Variants in ARF1 observed in about 807,000 individuals in gnomAD.
ARF1 encodes the protein ARF GTPase 1.
In ARF1, 1 loss-of-function variant was observed where a neutral mutation model predicts 18.0. The ratio of observed to expected loss-of-function variants is 0.06; its 90% CI spans 0.02 to 0.26. The LOEUF (loss-of-function observed/expected upper bound fraction) is 0.26, where lower values mean the gene tolerates loss of function less well. Among genes scored for constraint, ARF1 ranks in the 10% least tolerant of loss-of-function variants. The pLI, the probability that ARF1 is intolerant of heterozygous loss-of-function variation, is 1.00. For synonymous variants in ARF1, 112 were observed against 96.3 expected (o/e 1.16, Z -0.95); for missense variants, 73 against 247.2 (o/e 0.30, Z 4.73).
chr1:228,088,831 G>C (rs923950054), intron 1 of ARF1, among the ~76,000 whole-genome samples: 2 of 152,170 alleles, frequency 1.3e-5, no homozygotes, highest in Admixed American at 6.5e-5. Flanking sequence ...GTTCTCTGCC[G>C]TCTTGTGCGA....
chr1:228,086,591 G>A (rs1371075365), intron 1 of ARF1, among the ~76,000 whole-genome samples: 2 of 152,150 alleles, frequency 1.3e-5, no homozygotes, highest in Non-Finnish European at 2.9e-5. Context: ...GCCTGCCTGG[G>A]TTTTCAGAGA....
At chr1:228,088,657 A>C (rs892989967) in intron 1 of ARF1, among the ~76,000 whole-genome samples, 3 of 152,224 alleles carry the variant, frequency 2.0e-5, no homozygotes, top group East Asian at 1.9e-4. Context: ...AGGAAAAGCT[A>C]CAGTAGTTGC....
Position 228,097,109 on chromosome 1 carries a change from A to G in ARF1, c.-6A>G. On this transcript the variant is annotated 5_prime_UTR_variant, in exon 2 of 5. Coordinates refer to ENST00000272102, the MANE Select transcript of ARF1 (RefSeq NM_001658.4). This position sits in a 1 kb window ranked among gnomAD's most constrained non-coding sequence, Gnocchi z 8.1. ...CTGGCCAGTGTCCTTCCACCTGTCC[A>G]CAAGCATGGGGAACATCTTCGCCAA... 6.3e-7 allele frequency: 1 copy of G among 1,593,850 alleles called. No homozygotes were observed. Among genetic ancestry groups the G allele is most frequent in the Non-Finnish European group, 8.5e-7 (1 of 1,169,662 alleles).
intron 1 of ARF1, among the ~76,000 whole-genome samples, chr1:228,088,855 G>C (rs1350951351): frequency 6.6e-6 from 1 of 152,204 alleles, no homozygotes; most frequent in Non-Finnish European, 1.5e-5. Flanking sequence ...CTGGGATGCT[G>C]TCTCTACTTC....
chr1:228,097,499 G>A lies in ARF1; in HGVS notation c.259+47G>A. On this transcript the variant is annotated intron_variant, in intron 3 of 4. Transcript: ENST00000272102. This position sits in a 1 kb window ranked among gnomAD's most constrained non-coding sequence, Gnocchi z 8.1. ...CCATGGGCACTCCTGCTTCTAGAGA[G>A]GGGGGGCCAGCCCATAGATGGGGCA... 6.2e-7 allele frequency: 1 copy of A among 1,613,252 alleles called. No individual in the cohort carries two copies. Among genetic ancestry groups the A allele is most frequent in the Non-Finnish European group, 8.5e-7 (1 of 1,179,544 alleles).
chr1:228,088,583 T>A (rs933366308), intron 1 of ARF1, among the ~76,000 whole-genome samples: 2 of 152,152 alleles, frequency 1.3e-5, no homozygotes, highest in African/African-American at 4.8e-5. Context: ...CAAAATCACC[T>A]TATAAATCAA....
chr1:228,085,118 G>A (rs2032351808), intron 1 of ARF1, among the ~76,000 whole-genome samples: 1 of 152,274 alleles, frequency 6.6e-6, no homozygotes, highest in Non-Finnish European at 1.5e-5. Context: ...TCGCAGTGGG[G>A]ATCTTAAATT....
chr1:228,089,606 T>C lies in ARF1; in HGVS notation c.-38+6841T>C, dbSNP rs1244234500. Among the ~76,000 whole-genome samples, 1 of 152,250 alleles carries C rather than the reference T, an allele frequency of 6.6e-6. No homozygotes were observed. Among genetic ancestry groups the C allele is most frequent in the Admixed American group, 6.5e-5 (1 of 15,290 alleles). On this transcript the variant is annotated intron_variant, in intron 1 of 4. Coordinates refer to ENST00000272102, the MANE Select transcript of ARF1 (RefSeq NM_001658.4). The surrounding 1 kb of genome is among the most constrained non-coding windows in gnomAD (Gnocchi z 4.1). ...AAGTTTTAGGCATTGGCTCAATCAC[T>C]GGTGCAGCCATTGCATTAATTTTCT...
chr1:228,093,587 C>T (rs2032638535), intron 1 of ARF1, among the ~76,000 whole-genome samples: 1 of 149,580 alleles, frequency 6.7e-6, no homozygotes, highest in South Asian at 2.1e-4. Flanking sequence ...TGCAGGGTGG[C>T]TTCCCTCCTT....
chr1:228,098,804 G>A lies in ARF1; in HGVS notation c.*791G>A, dbSNP rs913798981. On this transcript the variant is annotated 3_prime_UTR_variant, in exon 5 of 5. Transcript: ENST00000272102. ...GCCGTGTGGCCAGAGTGGGTCCGTC[G>A]TCCCCAACACTCGTGCTCGCTCAGA... The A allele has an allele frequency of 2.0e-5, 3 of 152,622 alleles. No homozygotes were observed. The highest frequency in any genetic ancestry group is 4.8e-5 in the African/African-American group (2 of 41,442). The allele number at this position is 152,622 out of a possible 1,614,324, so 9.5% of individuals were successfully genotyped here. A position where few individuals can be genotyped will look rare whatever the true frequency, so the allele number is the denominator to read the frequency against.
chr1:228,084,991 C>A (rs2032348059), intron 1 of ARF1, among the ~76,000 whole-genome samples: 3 of 152,264 alleles, frequency 2.0e-5, no homozygotes, highest in Admixed American at 1.3e-4. Context: ...CTGGCGGGCC[C>A]ATACTGTCTC....
At chr1:228,091,954 A>G (rs1434716811) in intron 1 of ARF1, among the ~76,000 whole-genome samples, 1 of 152,156 alleles carries the variant, frequency 6.6e-6, no homozygotes, top group Non-Finnish European at 1.5e-5. Flanking sequence ...GAAATTGATC[A>G]TCTACACTAT....
At chr1:228,087,454 T>C (rs1286610308) in intron 1 of ARF1, among the ~76,000 whole-genome samples, 2 of 152,176 alleles carry the variant, frequency 1.3e-5, no homozygotes, top group Non-Finnish European at 2.9e-5. Context: ...TCTGGCAATT[T>C]TGGTGGTGAC....
chr1:228,098,090 G>C lies in ARF1; in HGVS notation c.*77G>C. On this transcript the variant is annotated 3_prime_UTR_variant, in exon 5 of 5. Coordinates refer to ENST00000272102, the MANE Select transcript of ARF1 (RefSeq NM_001658.4). ...GGCAAACGTGCGGCTCGTGGTGTGA[G>C]TGCCAGAAGCTGCCTCCGTGGTTTG... is the stretch of plus-strand genomic sequence containing the variant. 1 of 1,519,680 alleles carries C rather than the reference G, an allele frequency of 6.6e-7. No individual in the cohort carries two copies. Among genetic ancestry groups the C allele is most frequent in the Non-Finnish European group, 8.9e-7 (1 of 1,126,976 alleles). The allele number at this position is 1,519,680 out of a possible 1,614,324, so 94.1% of individuals were successfully genotyped here.
Position 228,098,388 on chromosome 1 carries a change from G to C in ARF1, c.*375G>C. 6.0e-6 allele frequency: 1 copy of C among 166,896 alleles called. No individual in the cohort carries two copies. The highest frequency in any genetic ancestry group is 1.3e-5 in the Non-Finnish European group (1 of 77,876). 10.3% of individuals were successfully genotyped at this position (166,896 alleles called of 1,614,324 possible). On this transcript the variant is annotated 3_prime_UTR_variant, in exon 5 of 5. Transcript: ENST00000272102. ...TTAGAGCTGTGTTGAAATCCATTTTGGTGGTTGGTTTTTAACCCAAACTCA... is the reference window on the plus strand; with the variant it reads ...TTAGAGCTGTGTTGAAATCCATTTTCGTGGTTGGTTTTTAACCCAAACTCA...
intron 1 of ARF1, among the ~76,000 whole-genome samples, chr1:228,092,850 TCA>T (rs1470540804): frequency 6.6e-6 from 1 of 152,178 alleles, no homozygotes; most frequent in African/African-American, 2.4e-5. Context: ...GGATGTGAAC[TCA>T]CAGAGCTACA....
At chr1:228,095,619 A>C (rs2032718953) in intron 1 of ARF1, among the ~76,000 whole-genome samples, 1 of 152,234 alleles carries the variant, frequency 6.6e-6, no homozygotes, top group Non-Finnish European at 1.5e-5. Flanking sequence ...AGGGTAGCCA[A>C]GATTGGACAT....
chr1:228,097,799 C>T lies in ARF1; in HGVS notation c.385-53C>T. 2 of 1,584,864 alleles carry T rather than the reference C, an allele frequency of 1.3e-6. No homozygotes were observed. Among genetic ancestry groups the T allele is most frequent in the East Asian group, 2.2e-5 (1 of 44,448 alleles). On this transcript the variant is annotated intron_variant, in intron 4 of 4. Transcript: ENST00000272102. The surrounding 1 kb of genome is among the most constrained non-coding windows in gnomAD (Gnocchi z 8.1). ...TAGGGGTTACTGGAGGCTGGTGGGG[C>T]CCCTTTCTCTGTCCTGTGGACAGCC...
intron 1 of ARF1, among the ~76,000 whole-genome samples, chr1:228,091,514 G>GT (rs1043511357): frequency 6.6e-6 from 1 of 152,166 alleles, no homozygotes; most frequent in Non-Finnish European, 1.5e-5. Flanking sequence ...GTTCTAGAAT[G>GT]TGTGTGCCAT....
Sources: allele counts gnomAD v4.1 joint callset (sites outside exome capture counted in the v4.1 genomes callset), GRCh38; gene constraint gnomAD v4.1.1; non-coding constraint Gnocchi (gnomAD v3.1); transcripts MANE v1.5; gene names NCBI Gene and HGNC (gene_info 2026-07-23, HGNC 2026-07-21).